Variants in PTPN13 observed in about 807,000 individuals in gnomAD.
PTPN13 encodes tyrosine-protein phosphatase non-receptor type 13.
PTPN13 carries 191 observed loss-of-function variants against 284.0 expected under a neutral mutation model. The observed-to-expected ratio is 0.67, with a 90% CI of 0.60 to 0.76. PTPN13 has a LOEUF of 0.76. Among genes scored for constraint, PTPN13 ranks in the 30% least tolerant of loss-of-function variants. The pLI, the probability that PTPN13 is intolerant of heterozygous loss-of-function variation, is 0.00. For synonymous variants in PTPN13, 986 were observed against 1,022.3 expected (o/e 0.96, Z 0.68); for missense variants, 2,797 against 2,939.9 (o/e 0.95, Z 1.12).
rs563975173 is a variant in PTPN13 at position 86,734,930 on chromosome 4, C to G, written c.2151+55C>G. ...TTTTGTTTGGTGTTGTTACCTTTAA[C>G]ATAGTTAATGACTAAACCTGATTCA... On this transcript the variant is annotated intron_variant, in intron 14 of 47. Coordinates refer to ENST00000411767, the MANE Select transcript of PTPN13 (RefSeq NM_080683.3). 2.6e-6 allele frequency: 4 copies of G among 1,567,200 alleles called. No homozygotes were observed. In the East Asian group the frequency reaches 9.1e-5, roughly 35 times the overall value.
chr4:86,766,997 G>A (rs1739402230), intron 27 of PTPN13, among the ~76,000 whole-genome samples: 1 of 152,084 alleles, frequency 6.6e-6, no homozygotes, highest in South Asian at 2.1e-4. Context: ...ACGGCTCACT[G>A]CAACCTTGAC....
chr4:86,660,737 T>C (rs1423345842), intron 2 of PTPN13, among the ~76,000 whole-genome samples: 1 of 152,150 alleles, frequency 6.6e-6, no homozygotes, highest in Non-Finnish European at 1.5e-5. Flanking sequence ...TTAATATGAA[T>C]AATGTAGGTT....
chr4:86,625,928 T>A (rs1721785892), intron 1 of PTPN13, among the ~76,000 whole-genome samples: 2 of 152,190 alleles, frequency 1.3e-5, no homozygotes, highest in South Asian at 4.1e-4. Context: ...CAGTAGACAT[T>A]TTAAGTCTAT....
chr4:86,683,386 A>AAAC (rs1729111917), intron 3 of PTPN13, among the ~76,000 whole-genome samples: 1 of 152,186 alleles, frequency 6.6e-6, no homozygotes, highest in Non-Finnish European at 1.5e-5. Context: ...AGAAGGTTTC[A>AAAC]GTTTGAGTCC....
At chr4:86,780,504 T>G in intron 36 of PTPN13, 32 bp downstream of exon 36, 3 of 1,405,834 alleles carry the variant, frequency 2.1e-6, no homozygotes, top group Non-Finnish European at 3.0e-6. Context: ...TGTACTCTCC[T>G]ACGGTAATGG....
Position 86,681,618 on chromosome 4 carries a change from G to T in PTPN13, c.295-5092G>T, listed in dbSNP as rs142467755. Among the ~76,000 whole-genome samples the T allele has an allele frequency of 3.3e-3, 510 of 152,276 alleles. 1 individual carries two copies. The highest frequency in any genetic ancestry group is 0.012 in the African/African-American group (493 of 41,560). ...TGGGCAAGTTACCTTCCCTCTGTAAGATTGAATGAGCTAATGTATATAATG... is the reference window on the plus strand; with the variant it reads ...TGGGCAAGTTACCTTCCCTCTGTAATATTGAATGAGCTAATGTATATAATG... On this transcript the variant is annotated intron_variant, in intron 3 of 47. Coordinates refer to ENST00000411767, the MANE Select transcript of PTPN13 (RefSeq NM_080683.3).
chr4:86,744,961 T>C lies in PTPN13; in HGVS notation c.2488-5T>C. ...AATTATGAATACCCTTGGTTAATAT[T>C]GTAGAAAAAGAAAATCACATTGCAA... On this transcript the variant is annotated splice_polypyrimidine_tract_variant and splice_region_variant and intron_variant, in intron 16 of 47. Coordinates refer to ENST00000411767, the MANE Select transcript of PTPN13 (RefSeq NM_080683.3). The C allele has an allele frequency of 6.5e-7, 1 of 1,543,446 alleles. No homozygotes were observed. Among genetic ancestry groups the C allele is most frequent in the Non-Finnish European group, 8.8e-7 (1 of 1,137,090 alleles).
At chr4:86,666,112 T>C (rs1727042958) in intron 2 of PTPN13, among the ~76,000 whole-genome samples, 1 of 152,172 alleles carries the variant, frequency 6.6e-6, no homozygotes, top group East Asian at 1.9e-4. Context: ...TGAAGATCAC[T>C]GTATAAACCA....
chr4:86,701,615 C>A lies in PTPN13; in HGVS notation c.1009C>A (p.Pro337Thr), dbSNP rs758527662. The change falls in exon 7 of 48, where the codon CCT (proline) becomes ACT (threonine). Residue 337 changes from proline to threonine, a missense_variant. By Grantham distance (38) the Pro-to-Thr change is conservative. Coordinates refer to ENST00000411767, the MANE Select transcript of PTPN13 (RefSeq NM_080683.3). ...AGTAACAGTGCGGACTTCAACTACT[C>A]CTAGAAAAAAGGAGGCAAGATACTC... ...EAVTVRTSTT[P>T]RKKEARYSDG... is the part of the protein sequence containing the mutation. 1 of 1,613,876 alleles carries A rather than the reference C, an allele frequency of 6.2e-7. No homozygotes were observed. Among genetic ancestry groups the A allele is most frequent in the East Asian group, 2.2e-5 (1 of 44,864 alleles).
At chr4:86,736,564 G>T (rs1317457119) in intron 15 of PTPN13, among the ~76,000 whole-genome samples, 11 of 152,094 alleles carry the variant, frequency 7.2e-5, no homozygotes, top group African/African-American at 2.2e-4. Flanking sequence ...AGGCAAGGTG[G>T]TTTTTTCTGT....
chr4:86,611,893 G>T (rs1190414770), intron 1 of PTPN13, among the ~76,000 whole-genome samples: 4 of 152,160 alleles, frequency 2.6e-5, no homozygotes, highest in African/African-American at 9.7e-5. Flanking sequence ...AGGACCAGAG[G>T]CCTGACAAGG....
intron 3 of PTPN13, among the ~76,000 whole-genome samples, chr4:86,684,947 TTC>T (rs1319486656): frequency 6.6e-6 from 1 of 152,118 alleles, no homozygotes; most frequent in Non-Finnish European, 1.5e-5. Context: ...AATCAGGACT[TTC>T]TCTAATATAT....
At chr4:86,805,717 A>G (rs778603515) in intron 44 of PTPN13, among the ~76,000 whole-genome samples, 3 of 152,192 alleles carry the variant, frequency 2.0e-5, no homozygotes, top group African/African-American at 7.2e-5. Flanking sequence ...GGTTGGATTC[A>G]TTTATCACAA....
In PTPN13 at chr4:86,774,361, T is replaced by C. The variant is rs747322902; in HGVS notation, c.5350-12T>C. 52 of 1,598,140 alleles carry C rather than the reference T, an allele frequency of 3.3e-5. No homozygotes were observed. The highest frequency in any genetic ancestry group is 4.3e-5 in the Non-Finnish European group (50 of 1,171,856). On this transcript the variant is annotated splice_polypyrimidine_tract_variant and intron_variant, in intron 32 of 47. Transcript: ENST00000411767. ...TAGACAACCTAAAAGTATTACTGCTTTTTTCCCTTAGGAAGTAGAACTCCT... is the reference window on the plus strand; with the variant it reads ...TAGACAACCTAAAAGTATTACTGCTCTTTTCCCTTAGGAAGTAGAACTCCT...
intron 39 of PTPN13, among the ~76,000 whole-genome samples, 165 bp from the exon 40 acceptor site, chr4:86,785,683 T>C (rs1221605442): frequency 6.6e-6 from 1 of 152,188 alleles, no homozygotes; most frequent in Non-Finnish European, 1.5e-5. Context: ...AGAAATTTTA[T>C]ACCAAAATGT....
intron 27 of PTPN13, among the ~76,000 whole-genome samples, chr4:86,767,389 G>A (rs961450920): frequency 6.6e-6 from 1 of 151,874 alleles, no homozygotes; most frequent in African/African-American, 2.4e-5. Context: ...GGGATTACAG[G>A]TGCCCACCAC....
chr4:86,600,086 T>G (rs1333143742), intron 1 of PTPN13, among the ~76,000 whole-genome samples: 2 of 152,170 alleles, frequency 1.3e-5, no homozygotes, highest in Non-Finnish European at 2.9e-5. Context: ...AGAAAACTGT[T>G]TTATTAGTTT....
At chr4:86,759,624 G>A (rs929003943) in intron 23 of PTPN13, among the ~76,000 whole-genome samples, 9 of 152,176 alleles carry the variant, frequency 5.9e-5, no homozygotes, top group Admixed American at 3.9e-4. Flanking sequence ...CCCCTGTGGC[G>A]TAGAACAGTG....
rs71605616 is a variant in PTPN13 at position 86,758,360 on chromosome 4, G to A, written c.3313+11G>A. ...CAAAGTATGGCTTGGGTAAGTCACC[G>A]TGAGATTCTTGAAGGTCTATGATTG... On this transcript the variant is annotated intron_variant, in intron 21 of 47. Transcript: ENST00000411767. 8.2e-6 allele frequency: 13 copies of A among 1,581,248 alleles called. No homozygotes were observed. Among genetic ancestry groups the A allele is most frequent in the Admixed American group, 1.7e-5 (1 of 59,000 alleles).
Sources: allele counts gnomAD v4.1 joint callset (sites outside exome capture counted in the v4.1 genomes callset), GRCh38; gene constraint gnomAD v4.1.1; transcripts MANE v1.5; gene names NCBI Gene and HGNC (gene_info 2026-07-23, HGNC 2026-07-21).